CCDC7: variants seen among roughly 807,000 people sequenced by gnomAD.
CCDC7 encodes coiled-coil domain containing 7.
Under a neutral mutation model 196.9 loss-of-function variants are expected in CCDC7, and 183 were observed. The ratio of observed to expected loss-of-function variants is 0.93; its 90% CI spans 0.82 to 1.05. The LOEUF (loss-of-function observed/expected upper bound fraction) is 1.05, where lower values mean the gene tolerates loss of function less well. Among genes scored for constraint, CCDC7 ranks in the 50% least tolerant of loss-of-function variants. The pLI is 0.00. For synonymous variants in CCDC7, 525 were observed against 484.6 expected, an observed-to-expected ratio of 1.08 and a Z score of -1.10; for missense variants, 1,540 against 1,482.2, an observed-to-expected ratio of 1.04 and a Z score of -0.64.
intron 28 of CCDC7, among the ~76,000 whole-genome samples, chr10:32,744,391 AAC>A (rs2074360564): frequency 6.6e-6 from 1 of 152,118 alleles, no homozygotes; most frequent in African/African-American, 2.4e-5. Flanking sequence ...AAAAAAAAGA[AAC>A]AGCCAAAGTG....
Position 32,681,445 on chromosome 10 carries a change from C to G in CCDC7, c.2123-4525C>G, listed in dbSNP as rs562709093. Among the ~76,000 whole-genome samples, 50 of 152,206 alleles carry G rather than the reference C, an allele frequency of 3.3e-4. No homozygotes were observed. In the South Asian group the frequency reaches 4.4e-3, roughly 13 times the overall value. ...TGTCACAATACAGCTACTGTCTGAACAATACAGTCAAGCCCCCACCTTCCC... is the reference window on the plus strand; with the variant it reads ...TGTCACAATACAGCTACTGTCTGAAGAATACAGTCAAGCCCCCACCTTCCC... On this transcript the variant is annotated intron_variant, in intron 21 of 41. Transcript: ENST00000639629.
chr10:32,719,923 A>T (rs1232880409), intron 25 of CCDC7, among the ~76,000 whole-genome samples: 1 of 152,202 alleles, frequency 6.6e-6, no homozygotes, highest in Non-Finnish European at 1.5e-5. Flanking sequence ...TGTTGATGGG[A>T]GTGTAAATTA....
upstream of CCDC7, among the ~76,000 whole-genome samples, chr10:32,445,305 A>G (rs1434572520): frequency 6.6e-6 from 1 of 152,198 alleles, no homozygotes; most frequent in African/African-American, 2.4e-5. Context: ...TTGGGAGCTG[A>G]TAAATTTTCA....
At chr10:32,805,119 C>G in intron 30 of CCDC7, 21 bp downstream of exon 31, 2 of 1,501,194 alleles carry the variant, frequency 1.3e-6, no homozygotes, top group South Asian at 2.3e-5. Context: ...ATTTTTAAGT[C>G]TAATATTTCT....
intron 8 of CCDC7, among the ~76,000 whole-genome samples, chr10:32,488,292 G>T (rs1283346246): frequency 6.6e-6 from 1 of 152,204 alleles, no homozygotes; most frequent in Non-Finnish European, 1.5e-5. Context: ...GCCAGGCGCG[G>T]GATATAATCT....
chr10:32,687,978 G>T (rs936980736), intron 22 of CCDC7, among the ~76,000 whole-genome samples: 4 of 152,162 alleles, frequency 2.6e-5, no homozygotes, highest in African/African-American at 9.7e-5. Flanking sequence ...GACAATGCTT[G>T]CAGTGTCAGG....
intron 9 of CCDC7, among the ~76,000 whole-genome samples, chr10:32,498,129 T>A (rs1286564619): frequency 6.6e-6 from 1 of 152,190 alleles, no homozygotes; most frequent in East Asian, 1.9e-4. Context: ...GCTGCATTGA[T>A]CCCTTTATGA....
intron 20 of CCDC7, among the ~76,000 whole-genome samples, chr10:32,637,850 T>G (rs183225887): frequency 6.6e-6 from 1 of 152,374 alleles, no homozygotes; most frequent in East Asian, 1.9e-4. Context: ...TATTGATTCT[T>G]CCTTCCCATG....
intron 13 of CCDC7, among the ~76,000 whole-genome samples, chr10:32,548,278 A>G (rs796304353): frequency 1.3e-5 from 2 of 152,056 alleles, no homozygotes; most frequent in African/African-American, 4.8e-5. Context: ...GGCTATTTTA[A>G]AGAGAGCAGG....
chr10:32,683,434 T>C (rs2076083984), intron 21 of CCDC7, among the ~76,000 whole-genome samples: 1 of 152,186 alleles, frequency 6.6e-6, no homozygotes, highest in Non-Finnish European at 1.5e-5. Context: ...TGTGCTATCT[T>C]GGGCTTTGTT....
At chr10:32,857,115 G>C (rs1172740774) in intron 41 of CCDC7, among the ~76,000 whole-genome samples, 2 of 152,028 alleles carry the variant, frequency 1.3e-5, no homozygotes, top group Non-Finnish European at 2.9e-5. Context: ...AGAACAGAAG[G>C]ATCTTTAAAG....
chr10:32,877,462 TTC>T (rs1162453124), downstream of CCDC7, among the ~76,000 whole-genome samples: 2 of 152,070 alleles, frequency 1.3e-5, no homozygotes, highest in Non-Finnish European at 2.9e-5. Context: ...GATTTTATGT[TTC>T]TTTCTATAAT....
At chr10:32,685,036 T>A (rs2076309854) in intron 21 of CCDC7, among the ~76,000 whole-genome samples, 1 of 152,114 alleles carries the variant, frequency 6.6e-6, no homozygotes, top group South Asian at 2.1e-4. Context: ...TTAGAGAAGT[T>A]CCATTCCTTC....
At chr10:32,695,802 T>G (rs1036520803) in intron 24 of CCDC7, among the ~76,000 whole-genome samples, 1 of 152,214 alleles carries the variant, frequency 6.6e-6, no homozygotes, top group Non-Finnish European at 1.5e-5. Context: ...GCATTTACAA[T>G]GTCAGTTGCT....
At chr10:32,459,419 G>T (rs770326921) in intron 3 of CCDC7, among the ~76,000 whole-genome samples, 48 of 152,038 alleles carry the variant, frequency 3.2e-4, no homozygotes, top group Non-Finnish European at 6.2e-4. Context: ...GAATATGTCT[G>T]CTATGCTCTC....
Position 32,705,505 on chromosome 10 carries a change from T to A in CCDC7, c.2459-6115T>A, listed in dbSNP as rs184658093. On this transcript the variant is annotated intron_variant, in intron 24 of 41. Coordinates refer to ENST00000639629, the Ensembl canonical transcript of CCDC7. The stretch of plus-strand genomic sequence containing the variant: ...AATGTAAATGGGCTAAATGCCCCAA[T>A]TAAAAGACACAGACTGACAAGTTGG... 2.0e-5 allele frequency among the ~76,000 whole-genome samples: 3 copies of A among 152,214 alleles called. No homozygotes were observed. In the East Asian group the frequency reaches 5.8e-4, roughly 29 times the overall value.
chr10:32,850,989 A>G (rs1011420105), intron 39 of CCDC7, among the ~76,000 whole-genome samples: 3 of 152,200 alleles, frequency 2.0e-5, no homozygotes, highest in African/African-American at 7.2e-5. Flanking sequence ...AACATACATG[A>G]AAAAATAAAT....
At chr10:32,455,606 C>T (rs78253739) in intron 2 of CCDC7, among the ~76,000 whole-genome samples, 11 of 152,120 alleles carry the variant, frequency 7.2e-5, no homozygotes, top group Non-Finnish European at 1.5e-4. Flanking sequence ...TGTGAGCCAC[C>T]GCGCCTGGCT....
chr10:32,461,723 A>ATGTG (rs2035730111), intron 3 of CCDC7, among the ~76,000 whole-genome samples: 9 of 23,102 alleles, frequency 3.9e-4, no homozygotes, highest in African/African-American at 1.1e-3. Context: ...ATATATATAT[A>ATGTG]TATATATGTA....
Sources: gnomAD v4.1 joint callset for allele counts (sites outside exome capture counted in the v4.1 genomes callset) on GRCh38, gnomAD v4.1.1 for gene constraint, MANE v1.5 for transcripts, NCBI Gene and HGNC (gene_info 2026-07-23, HGNC 2026-07-21) for gene names.